Variants in C5AR1 observed in about 807,000 individuals in gnomAD.
C5AR1 encodes complement C5a receptor 1, also known as C5a anaphylatoxin chemotactic receptor 1.
Under a neutral mutation model 2.4 loss-of-function variants are expected in C5AR1, and 4 were observed. The ratio of observed to expected loss-of-function variants is 1.65; its 90% CI spans 0.81 to 3.77. The LOEUF (loss-of-function observed/expected upper bound fraction) is 3.77, where lower values mean the gene tolerates loss of function less well. C5AR1 is among the 30% of genes most tolerant of loss of function. The pLI is 0.01. For missense variants in C5AR1, 418 were observed against 462.5 expected, an observed-to-expected ratio of 0.90 and a Z score of 0.88; for synonymous variants, 209 against 210.4, an observed-to-expected ratio of 0.99 and a Z score of 0.06.
chr19:47,321,067 A>G lies in C5AR1; in HGVS notation c.*237A>G, dbSNP rs35340971. 3.2e-5 allele frequency: 1 copy of G among 31,262 alleles called. No homozygotes were observed. 1.9% of individuals were successfully genotyped at this position (31,262 alleles called of 1,614,324 possible). On this transcript the variant is annotated 3_prime_UTR_variant, in exon 2 of 2. Transcript: ENST00000355085. Reference sequence around the variant, plus strand: ...CACCCTCCCACCCCCCACCCCCCCCACACACACCATCTTTCCATCCCAGGC... The same window carrying G: ...CACCCTCCCACCCCCCACCCCCCCCGCACACACCATCTTTCCATCCCAGGC...
At position 47,320,589 on chromosome 19, in the gene C5AR1, C is replaced by T. The variant is rs200857143; in HGVS notation, c.812C>T (p.Ser271Leu). 8.0e-5 allele frequency: 129 copies of T among 1,613,900 alleles called. No individual in the cohort carries two copies. In the South Asian group the frequency reaches 9.7e-4, roughly 12 times the overall value. ...TGIMMSFLEP[S>L]SPTFLLLKKL... Reference sequence around the variant, plus strand: ...ATAATGATGTCCTTCCTGGAGCCATCGTCACCCACCTTCCTGCTGCTGAAG... The same window carrying T: ...ATAATGATGTCCTTCCTGGAGCCATTGTCACCCACCTTCCTGCTGCTGAAG... The change falls in exon 2 of 2, where the codon TCG becomes TTG. Residue 271 changes from serine to leucine, a missense_variant. Physicochemically the swap from Ser to Leu is moderately radical, Grantham distance 145 (BLOSUM62 -2). Transcript: ENST00000355085. The surrounding 1 kb of genome is among the most constrained non-coding windows in gnomAD (Gnocchi z 4.9).
chr19:47,312,465 C>T (rs2059273962), intron 1 of C5AR1, among the ~76,000 whole-genome samples: 2 of 152,172 alleles, frequency 1.3e-5, no homozygotes, highest in African/African-American at 2.4e-5. Flanking sequence ...TGAGTGAATG[C>T]ATGAAAAGTT....
chr19:47,309,986 C>T (rs1294093751), intron 1 of C5AR1, 88 bp downstream of exon 1: 7 of 1,370,468 alleles, frequency 5.1e-6, no homozygotes, highest in Non-Finnish European at 7.2e-6. Flanking sequence ...CTCCCCAACT[C>T]TCGCCGTCAA....
chr19:47,308,708 A>T (rs1340698243), upstream of C5AR1, among the ~76,000 whole-genome samples: 1 of 150,364 alleles, frequency 6.7e-6, no homozygotes. Flanking sequence ...GGCACCCACC[A>T]CCACGCCTGG....
intron 1 of C5AR1, among the ~76,000 whole-genome samples, chr19:47,312,796 G>C (rs779130115): frequency 8.6e-5 from 13 of 152,036 alleles, no homozygotes; most frequent in Non-Finnish European, 1.3e-4. Context: ...AGCCTCCTGA[G>C]TAGGTGGGAC....
At chr19:47,308,547 TTTTTC>T (rs1231992592), upstream of C5AR1, among the ~76,000 whole-genome samples, 2 of 151,738 alleles carry the variant, frequency 1.3e-5, no homozygotes, top group Non-Finnish European at 2.9e-5. Context: ...TTTTCTTTTC[TTTTTC>T]TTTTCTTTTT....
chr19:47,314,916 ACTC>A (rs2059281330), intron 1 of C5AR1, among the ~76,000 whole-genome samples: 1 of 149,112 alleles, frequency 6.7e-6, no homozygotes, highest in Non-Finnish European at 1.5e-5. Context: ...CTGGGCTTGA[ACTC>A]CTGACTTCAA....
Position 47,320,974 on chromosome 19 carries a change from C to A in C5AR1, c.*144C>A, listed in dbSNP as rs1444661037. ...TGTTGCCTGTCTTTCCCAGACTTGT[C>A]CCTCCTTTTCCAGCGGGACTCTTCT... On this transcript the variant is annotated 3_prime_UTR_variant, in exon 2 of 2. Coordinates refer to ENST00000355085, the MANE Select transcript of C5AR1 (RefSeq NM_001736.4). This position sits in a 1 kb window ranked among gnomAD's most constrained non-coding sequence, Gnocchi z 4.9. 1.2e-5 allele frequency: 8 copies of A among 685,378 alleles called. No homozygotes were observed. Among genetic ancestry groups the A allele is most frequent in the African/African-American group, 3.6e-5 (2 of 55,204 alleles). The allele number at this position is 685,378 out of a possible 1,614,324, so 42.5% of individuals were successfully genotyped here. A position where few individuals can be genotyped will look rare whatever the true frequency, so the allele number is the denominator to read the frequency against.
intron 1 of C5AR1, among the ~76,000 whole-genome samples, chr19:47,311,398 A>G (rs922548584): frequency 2.0e-5 from 3 of 151,822 alleles, no homozygotes; most frequent in African/African-American, 7.3e-5. Context: ...TAGTCCCAGC[A>G]CTTGAGAGGC....
rs1160905751 is a variant in C5AR1 at position 47,319,851 on chromosome 19, CT to C, written c.75del (p.Val26TrpfsTer36). 3.7e-6 allele frequency: 6 copies of C among 1,614,060 alleles called. No homozygotes were observed. The highest frequency in any genetic ancestry group is 5.1e-6 in the Non-Finnish European group (6 of 1,179,992). On this transcript the variant is annotated frameshift_variant, in exon 2 of 2. Coordinates refer to ENST00000355085, the MANE Select transcript of C5AR1 (RefSeq NM_001736.4). LOFTEE classifies it low-confidence loss of function (END_TRUNC). ...DDKDTLDLNT[P>X]VDKTSNTLRV... ...AAGGATACCCTGGACCTCAACACCC[CT>C]GTGGATAAAACTTCTAACACGCTGC... is the stretch of plus-strand genomic sequence containing the variant.
At chr19:47,314,180 T>C (rs546273825) in intron 1 of C5AR1, among the ~76,000 whole-genome samples, 1 of 152,240 alleles carries the variant, frequency 6.6e-6, no homozygotes, top group African/African-American at 2.4e-5. Flanking sequence ...AGCATGTGAA[T>C]TTAGGAAGAA....
intron 1 of C5AR1, among the ~76,000 whole-genome samples, 165 bp from the exon 2 acceptor site, chr19:47,319,616 T>C (rs2059301424): frequency 6.6e-6 from 1 of 152,048 alleles, no homozygotes; most frequent in Non-Finnish European, 1.5e-5. Flanking sequence ...CCTCAATATT[T>C]TAATAAGTGG....
chr19:47,318,475 G>C (rs1458338840), intron 1 of C5AR1, among the ~76,000 whole-genome samples: 1 of 151,786 alleles, frequency 6.6e-6, no homozygotes, highest in Admixed American at 6.6e-5. Context: ...TGTATTTTTA[G>C]TAGAGACGGG....
In C5AR1 at chr19:47,313,557, GCT is replaced by G. The variant is rs949278635; in HGVS notation, c.3+3660_3+3661del. Among the ~76,000 whole-genome samples the G allele has an allele frequency of 4.9e-4, 75 of 151,842 alleles. 1 individual carries two copies. The highest frequency in any genetic ancestry group is 1.8e-3 in the African/African-American group (74 of 41,458). ...AGGTCAGGAGATCAAGACTATCCTGGCTAACACGGTGAAACCCTGTCTCTACT... is the reference window on the plus strand; with the variant it reads ...AGGTCAGGAGATCAAGACTATCCTGGAACACGGTGAAACCCTGTCTCTACT... On this transcript the variant is annotated intron_variant, in intron 1 of 1. Coordinates refer to ENST00000355085, the MANE Select transcript of C5AR1 (RefSeq NM_001736.4).
At position 47,310,857 on chromosome 19, in the gene C5AR1, G is replaced by A. The variant is rs112118798; in HGVS notation, c.3+959G>A. ...CTGAGGCCCAGGCAGGAGCAGAGAT[G>A]GATGGGGACCCTCCATGGTTGGTGG... On this transcript the variant is annotated intron_variant, in intron 1 of 1. Coordinates refer to ENST00000355085, the MANE Select transcript of C5AR1 (RefSeq NM_001736.4). Among the ~76,000 whole-genome samples the A allele has an allele frequency of 2.9e-3, 449 of 152,302 alleles. 4 individuals are homozygous for A. The highest frequency in any genetic ancestry group is 0.01 in the African/African-American group (418 of 41,574).
rs764230867 is a variant in C5AR1 at position 47,320,594 on chromosome 19, C to T, written c.817C>T (p.Pro273Ser). ...GATGTCCTTCCTGGAGCCATCGTCA[C>T]CCACCTTCCTGCTGCTGAAGAAGCT... ...IMMSFLEPSS[P>S]TFLLLKKLDS... The change falls in exon 2 of 2, where the codon CCC becomes TCC. Residue 273 changes from proline to serine, a missense_variant. Transcript: ENST00000355085. This position sits in a 1 kb window ranked among gnomAD's most constrained non-coding sequence, Gnocchi z 4.9. The T allele has an allele frequency of 1.9e-6, 3 of 1,613,896 alleles. No homozygotes were observed. The highest frequency in any genetic ancestry group is 1.1e-5 in the South Asian group (1 of 91,090).
chr19:47,314,216 T>C (rs993724991), intron 1 of C5AR1, among the ~76,000 whole-genome samples: 2 of 152,144 alleles, frequency 1.3e-5, no homozygotes, highest in African/African-American at 2.4e-5. Flanking sequence ...CTTTGTGCTA[T>C]TGTCACATAG....
intron 1 of C5AR1, among the ~76,000 whole-genome samples, chr19:47,318,870 C>T: frequency 7.4e-6 from 1 of 135,172 alleles, no homozygotes; most frequent in East Asian, 2.2e-4. Flanking sequence ...TGATCAGGAC[C>T]TTTTTGTTCT....
In C5AR1 at chr19:47,319,799, A is replaced by G. The variant is rs973204566; in HGVS notation, c.22A>G (p.Thr8Ala). ...CCCTTAGGACTCCTTCAATTATACC[A>G]CCCCTGATTATGGGCACTATGATGA... MDSFNYTTPDYGHYDDKD... is the reference protein window; with the variant it reads MDSFNYTAPDYGHYDDKD... The change falls in exon 2 of 2, where the codon ACC becomes GCC. Residue 8 changes from threonine to alanine, a missense_variant. Transcript: ENST00000355085. The G allele has an allele frequency of 1.2e-6, 2 of 1,610,222 alleles. No individual in the cohort carries two copies. Among genetic ancestry groups the G allele is most frequent in the Admixed American group, 1.7e-5 (1 of 59,874 alleles).
Sources: gnomAD v4.1 joint callset for allele counts (sites outside exome capture counted in the v4.1 genomes callset) on GRCh38, gnomAD v4.1.1 for gene constraint, Gnocchi (gnomAD v3.1) non-coding constraint, MANE v1.5 for transcripts, NCBI Gene and HGNC (gene_info 2026-07-23, HGNC 2026-07-21) for gene names.